MBD5: variants seen among roughly 807,000 people sequenced by gnomAD.
The protein encoded by MBD5 is methyl-CpG-binding domain protein 5.
Under a neutral mutation model 117.3 loss-of-function variants are expected in MBD5, and 13 were observed. The observed-to-expected ratio is 0.11, with a 90% CI of 0.07 to 0.18. The LOEUF (loss-of-function observed/expected upper bound fraction) is 0.18, where lower values mean the gene tolerates loss of function less well. MBD5 is among the 10% of genes least tolerant of loss of function. The probability of loss-of-function intolerance (pLI) is 1.00; values close to 1 mark genes in which losing one functional copy is unlikely to be tolerated. For synonymous variants in MBD5, 727 were observed against 766.4 expected, an observed-to-expected ratio of 0.95 and a Z score of 0.85; for missense variants, 1,879 against 2,093.8, an observed-to-expected ratio of 0.90 and a Z score of 2.00.
At chr2:148,185,656 C>T (rs1435482146) in intron 2 of MBD5, among the ~76,000 whole-genome samples, 3 of 152,098 alleles carry the variant, frequency 2.0e-5, no homozygotes, top group East Asian at 1.9e-4. Flanking sequence ...AATCCCAACA[C>T]TTTGGGAGAC....
At position 148,292,900 on chromosome 2, in the gene MBD5, A is replaced by G. The variant is rs114969333; in HGVS notation, c.-679-49314A>G. Among the ~76,000 whole-genome samples, 808 of 152,236 alleles carry G rather than the reference A, an allele frequency of 5.3e-3. 9 individuals are homozygous for G. Among genetic ancestry groups the G allele is most frequent in the African/African-American group, 0.019 (783 of 41,516 alleles). ...GAGTACCATTCAGCCATAAAAAAAAAAAAGGGATCCAATCATTTGCAACAA... is the reference window on the plus strand; with the variant it reads ...GAGTACCATTCAGCCATAAAAAAAAGAAAGGGATCCAATCATTTGCAACAA... On this transcript the variant is annotated intron_variant, in intron 3 of 13. Transcript: ENST00000642680.
rs777277392 is a variant in MBD5 at position 148,483,178 on chromosome 2, T to C, written c.2587T>C (p.Ser863Pro). Reference sequence around the variant, plus strand: ...CCACCCTGCCATCACAAAGACAACATCTGTTCTTCAAGATGGCGTCATAGT... The same window carrying C: ...CCACCCTGCCATCACAAAGACAACACCTGTTCTTCAAGATGGCGTCATAGT... ...TNHPAITKTT[S>P]VLQDGVIVTT... The change falls in exon 9 of 14, where the codon TCT (serine) becomes CCT (proline). Residue 863 changes from serine (S) to proline (P), a missense_variant. By Grantham distance (74) the Ser-to-Pro change is moderately conservative. Around this residue, in one of 4 missense-constraint regions of MBD5, gnomAD observed 1,666 missense variants for 1,792.2 expected, o/e 0.93. Transcript: ENST00000642680. The C allele has an allele frequency of 6.2e-7, 1 of 1,613,256 alleles. No homozygotes were observed. The highest frequency in any genetic ancestry group is 8.5e-7 in the Non-Finnish European group (1 of 1,179,836).
chr2:148,298,515 A>G (rs558878726), intron 3 of MBD5, among the ~76,000 whole-genome samples: 1 of 152,298 alleles, frequency 6.6e-6, no homozygotes, highest in South Asian at 2.1e-4. Context: ...CCCTGAAGAC[A>G]ATTTTCAGAG....
intron 7 of MBD5, among the ~76,000 whole-genome samples, chr2:148,466,138 A>G (rs927282064): frequency 2.6e-5 from 4 of 152,152 alleles, no homozygotes; most frequent in African/African-American, 9.6e-5. Context: ...ATATTATCAT[A>G]AGGTTGAGAT....
chr2:148,256,647 C>A lies in MBD5; in HGVS notation c.-680+23252C>A, dbSNP rs1468029539. The stretch of plus-strand genomic sequence containing the variant: ...ACTTTGTCCACACCGGGTTTCAAAC[C>A]ATATGGTGTCAGTACTAGGTTGGAC... On this transcript the variant is annotated intron_variant, in intron 3 of 13. Coordinates refer to ENST00000642680, the MANE Select transcript of MBD5 (RefSeq NM_001378120.1). Among the ~76,000 whole-genome samples the A allele has an allele frequency of 7.9e-5, 12 of 152,240 alleles. 1 individual carries two copies. Among genetic ancestry groups the A allele is most frequent in the Admixed American group, 7.9e-4 (12 of 15,284 alleles).
chr2:148,487,485 A>AAT (rs1016562067), intron 10 of MBD5, among the ~76,000 whole-genome samples: 10 of 152,192 alleles, frequency 6.6e-5, no homozygotes, highest in Non-Finnish European at 1.5e-4. Context: ...TCTTTATGAT[A>AAT]ATATATATAT....
At chr2:148,374,933 A>C (rs1253239113) in intron 4 of MBD5, among the ~76,000 whole-genome samples, 2 of 152,222 alleles carry the variant, frequency 1.3e-5, no homozygotes, top group East Asian at 3.8e-4. Flanking sequence ...TATTTAAAAT[A>C]CTTGATTGCT....
At chr2:148,355,128 T>C (rs1171457946) in intron 4 of MBD5, among the ~76,000 whole-genome samples, 1 of 152,114 alleles carries the variant, frequency 6.6e-6, no homozygotes, top group Admixed American at 6.5e-5. Context: ...TGTTTGTTTT[T>C]TTTCTTGTAA....
intron 3 of MBD5, among the ~76,000 whole-genome samples, chr2:148,340,199 C>G (rs1041912735): frequency 3.4e-4 from 51 of 152,152 alleles, no homozygotes; most frequent in African/African-American, 1.2e-3. Context: ...TTCCCAATAC[C>G]TTCATGCCAG....
intron 2 of MBD5, among the ~76,000 whole-genome samples, chr2:148,223,746 A>AT (rs1699749752): frequency 6.6e-6 from 1 of 151,236 alleles, no homozygotes; most frequent in Admixed American, 6.6e-5. Context: ...TCTGCTCTTT[A>AT]TTTTTTCTTT....
intron 3 of MBD5, among the ~76,000 whole-genome samples, chr2:148,248,700 G>A (rs1700399026): frequency 1.3e-5 from 2 of 152,072 alleles, no homozygotes; most frequent in South Asian, 4.1e-4. Context: ...TCCTGAGGAA[G>A]AAGAATAAAG....
chr2:148,382,574 A>G (rs1462672482), intron 4 of MBD5, among the ~76,000 whole-genome samples: 1 of 152,116 alleles, frequency 6.6e-6, no homozygotes. Flanking sequence ...AGGATATCCA[A>G]GAATTGAACT....
chr2:148,345,568 T>C (rs927868566), intron 4 of MBD5, among the ~76,000 whole-genome samples: 1 of 94,020 alleles, frequency 1.1e-5, no homozygotes, highest in Non-Finnish European at 2.2e-5. Flanking sequence ...TATATACACG[T>C]ATACACATAC....
chr2:148,224,062 T>G (rs1405690934), intron 2 of MBD5, among the ~76,000 whole-genome samples: 2 of 152,344 alleles, frequency 1.3e-5, no homozygotes. Flanking sequence ...ATTATGAGTT[T>G]TATTCCACTT....
intron 4 of MBD5, among the ~76,000 whole-genome samples, chr2:148,454,793 T>A (rs1400840391): frequency 2.6e-5 from 4 of 152,282 alleles, no homozygotes; most frequent in South Asian, 2.1e-4. Context: ...ATTAAACTCA[T>A]TTTTAATGTA....
chr2:148,381,795 G>A (rs963496242), intron 4 of MBD5, among the ~76,000 whole-genome samples: 4 of 152,138 alleles, frequency 2.6e-5, no homozygotes, highest in Admixed American at 6.5e-5. Flanking sequence ...GAGAGTGGGG[G>A]CCAATATTCA....
At chr2:148,382,735 C>A (rs755263632) in intron 4 of MBD5, among the ~76,000 whole-genome samples, 2 of 152,154 alleles carry the variant, frequency 1.3e-5, no homozygotes, top group African/African-American at 4.8e-5. Flanking sequence ...TGTAAAAGAA[C>A]AGAGATTATA....
intron 1 of MBD5, among the ~76,000 whole-genome samples, chr2:148,037,797 G>A (rs183201972): frequency 4.9e-4 from 74 of 151,994 alleles, no homozygotes; most frequent in African/African-American, 1.6e-3. Flanking sequence ...AAAATATTAA[G>A]TACTTACTGT....
intron 3 of MBD5, among the ~76,000 whole-genome samples, chr2:148,314,312 G>A (rs1702105166): frequency 6.8e-6 from 1 of 146,954 alleles, no homozygotes. Flanking sequence ...TCTTTATATT[G>A]TATGAAAACA....
Sources: allele counts gnomAD v4.1 joint callset (sites outside exome capture counted in the v4.1 genomes callset), GRCh38; gene constraint gnomAD v4.1.1; regional missense constraint gnomAD v4.1.1; transcripts MANE v1.5; gene names NCBI Gene and HGNC (gene_info 2026-07-23, HGNC 2026-07-21).